DAPK1: variants seen among roughly 807,000 people sequenced by gnomAD.
DAPK1 encodes the protein death-associated protein kinase 1.
DAPK1 carries 56 observed loss-of-function variants against 144.9 expected under a neutral mutation model. That is an observed-to-expected ratio of 0.39 (90% CI 0.31 to 0.48). The LOEUF is 0.48. DAPK1 is among the 20% of genes least tolerant of loss of function. The pLI, the probability that DAPK1 is intolerant of heterozygous loss-of-function variation, is 0.95. For synonymous variants in DAPK1, 690 were observed against 749.0 expected (o/e 0.92, Z 1.29); for missense variants, 1,454 against 1,875.4 (o/e 0.78, Z 4.15).
chr9:87,639,912 T>C, intron 7 of DAPK1, 97 bp downstream of exon 7: 1 of 1,305,538 alleles, frequency 7.7e-7, no homozygotes, highest in Non-Finnish European at 1.1e-6. Context: ...CTTCAGCTTA[T>C]GCATGCTTTT....
At chr9:87,564,347 G>A (rs911496248) in intron 2 of DAPK1, among the ~76,000 whole-genome samples, 6 of 152,198 alleles carry the variant, frequency 3.9e-5, no homozygotes, top group African/African-American at 7.2e-5. Context: ...TGAGACATGT[G>A]TGACAAATGA....
Position 87,660,040 on chromosome 9 carries a change from GGGAGGCATTGCT to G in DAPK1, c.1923+1917_1923+1928del, listed in dbSNP as rs1830785598. On this transcript the variant is annotated intron_variant, in intron 18 of 25. Transcript: ENST00000408954. ...GGACAGGGGCTGGGGGCGCCCCTGC[GGGAGGCATTGCT>G]GGAACCTGCAGGCCAGGCCCCGTCC... Among the ~76,000 whole-genome samples, 3 of 152,132 alleles carry G rather than the reference GGGAGGCATTGCT, an allele frequency of 2.0e-5. No homozygotes were observed. The South Asian group carries it at 6.2e-4, about 32-fold the overall frequency.
intron 3 of DAPK1, among the ~76,000 whole-genome samples, chr9:87,631,206 G>A (rs1325807726): frequency 6.6e-6 from 1 of 152,066 alleles, no homozygotes; most frequent in Non-Finnish European, 1.5e-5. Flanking sequence ...TGTAGACAGG[G>A]GTCCTCTGCA....
intron 1 of DAPK1, chr9:87,498,610 C>T (rs1440820414): frequency 3.3e-6 from 1 of 307,186 alleles, no homozygotes; most frequent in Non-Finnish European, 5.9e-6. Flanking sequence ...TGGGCGAGGG[C>T]TTCATTCTTC....
At chr9:87,693,998 A>G (rs781397296) in intron 21 of DAPK1, among the ~76,000 whole-genome samples, 2 of 152,020 alleles carry the variant, frequency 1.3e-5, no homozygotes, top group Non-Finnish European at 2.9e-5. Flanking sequence ...CCAGGGTGGT[A>G]TATGCTGGTA....
At chr9:87,552,991 A>G (rs968291942) in intron 2 of DAPK1, among the ~76,000 whole-genome samples, 1 of 152,178 alleles carries the variant, frequency 6.6e-6, no homozygotes, top group Non-Finnish European at 1.5e-5. Context: ...GTTTATCTCC[A>G]GAACTTTTTC....
At chr9:87,587,615 C>T (rs1339474062) in intron 2 of DAPK1, among the ~76,000 whole-genome samples, 1 of 152,186 alleles carries the variant, frequency 6.6e-6, no homozygotes, top group Non-Finnish European at 1.5e-5. Flanking sequence ...ACTCAAGGGC[C>T]CAAGACGTGG....
Position 87,646,408 on chromosome 9 carries a change from T to G in DAPK1, c.1132-53T>G, listed in dbSNP as rs1005724992. 37 of 1,364,500 alleles carry G rather than the reference T, an allele frequency of 2.7e-5. 1 individual carries two copies. Among genetic ancestry groups the G allele is most frequent in the Non-Finnish European group, 3.1e-5 (30 of 954,788 alleles). The allele number at this position is 1,364,500 out of a possible 1,614,324, so 84.5% of individuals were successfully genotyped here. A position where few individuals can be genotyped will look rare whatever the true frequency, so the allele number is the denominator to read the frequency against. On this transcript the variant is annotated intron_variant, in intron 12 of 25. Coordinates refer to ENST00000408954, the MANE Select transcript of DAPK1 (RefSeq NM_004938.4). ...GGTAACAGCAATCATCGTTTGGGCT[T>G]TTCCTTTCCTACCAAACCTGAAAAT... is the stretch of plus-strand genomic sequence containing the variant.
intron 2 of DAPK1, among the ~76,000 whole-genome samples, chr9:87,593,614 C>T (rs930935152): frequency 6.6e-6 from 1 of 152,188 alleles, no homozygotes; most frequent in African/African-American, 2.4e-5. Context: ...GGTTCTTCCC[C>T]GTATTGAATC....
At chr9:87,683,116 T>C (rs11141946) in intron 20 of DAPK1, among the ~76,000 whole-genome samples, 1 of 151,102 alleles carries the variant, frequency 6.6e-6, no homozygotes, top group Non-Finnish European at 1.5e-5. Flanking sequence ...GGAGTCTCGC[T>C]CTGTTGCCCA....
intron 21 of DAPK1, among the ~76,000 whole-genome samples, chr9:87,689,029 T>C (rs111634921): frequency 2.8e-4 from 43 of 152,320 alleles, no homozygotes; most frequent in African/African-American, 9.4e-4. Flanking sequence ...TCCAAAATGG[T>C]GTTTCCTAGA....
At chr9:87,655,434 GCTT>G (rs1830599398) in intron 17 of DAPK1, among the ~76,000 whole-genome samples, 1 of 152,038 alleles carries the variant, frequency 6.6e-6, no homozygotes, top group Non-Finnish European at 1.5e-5. Context: ...AGAAGGCATC[GCTT>G]CCTACCAAAG....
intron 2 of DAPK1, among the ~76,000 whole-genome samples, chr9:87,599,986 C>T (rs1349013472): frequency 1.3e-5 from 2 of 152,232 alleles, no homozygotes; most frequent in African/African-American, 2.4e-5. Context: ...ATCTAACACA[C>T]ATAGTCTCTC....
chr9:87,691,741 G>A (rs980673163), intron 21 of DAPK1, among the ~76,000 whole-genome samples: 1 of 152,086 alleles, frequency 6.6e-6, no homozygotes, highest in East Asian at 1.9e-4. Flanking sequence ...TCTTGACCCT[G>A]TGGTCATTCA....
chr9:87,665,188 AC>A (rs1831009781), intron 18 of DAPK1, among the ~76,000 whole-genome samples: 1 of 136,902 alleles, frequency 7.3e-6, no homozygotes, highest in African/African-American at 3.0e-5. Context: ...TATTTTACTC[AC>A]CTATTTGTTT....
intron 2 of DAPK1, among the ~76,000 whole-genome samples, chr9:87,601,922 G>T (rs1215490324): frequency 1.3e-5 from 2 of 152,186 alleles, no homozygotes; most frequent in Non-Finnish European, 2.9e-5. Flanking sequence ...TGCAGCATAT[G>T]TGCATTGTGC....
rs780546952 is a variant in DAPK1, at chr9:87,707,330, C to T, written c.4259C>T (p.Ser1420Phe). The change falls in exon 26 of 26, where the codon TCT becomes TTT. Residue 1420 changes from serine (S) to phenylalanine (F), a missense_variant. Physicochemically the swap from Ser to Phe is radical, Grantham distance 155. Coordinates refer to ENST00000408954, the MANE Select transcript of DAPK1 (RefSeq NM_004938.4). This position sits in a 1 kb window ranked among gnomAD's most constrained non-coding sequence, Gnocchi z 4.0. ...AYASSCNSGT[S>F]YNSISSVVSR ...GCCTCGAGCTGCAACAGCGGCACCT[C>T]TTACAATTCCATTAGCTCTGTTGTA... 1 of 1,611,664 alleles carries T rather than the reference C, an allele frequency of 6.2e-7. No homozygotes were observed. The highest frequency in any genetic ancestry group is 8.5e-7 in the Non-Finnish European group (1 of 1,178,594).
intron 19 of DAPK1, among the ~76,000 whole-genome samples, chr9:87,680,514 C>G (rs1189928501): frequency 6.6e-6 from 1 of 152,176 alleles, no homozygotes; most frequent in Non-Finnish European, 1.5e-5. Flanking sequence ...GAAGTTAAAT[C>G]AAAAGTGCTA....
intron 3 of DAPK1, chr9:87,632,156 G>A (rs1423792285): frequency 2.5e-6 from 2 of 794,178 alleles, no homozygotes; most frequent in African/African-American, 1.9e-5. Flanking sequence ...GGGTATGTAT[G>A]TATGTAGAGA....
Sources: allele counts gnomAD v4.1 joint callset (sites outside exome capture counted in the v4.1 genomes callset), GRCh38; gene constraint gnomAD v4.1.1; non-coding constraint Gnocchi (gnomAD v3.1); transcripts MANE v1.5; gene names NCBI Gene and HGNC (gene_info 2026-07-23, HGNC 2026-07-21).